The following KIF6 variants were observed in gnomAD, a reference collection of about 807,000 sequenced individuals.
KIF6 encodes the protein kinesin-like protein KIF6.
Under a neutral mutation model 112.7 loss-of-function variants are expected in KIF6, and 106 were observed. That is an observed-to-expected ratio of 0.94 (90% CI 0.80 to 1.11). The LOEUF is 1.11. Ranked by LOEUF, KIF6 falls within the 50% of genes least tolerant of loss-of-function variation. The probability of loss-of-function intolerance (pLI) is 0.00; values close to 1 mark genes in which losing one functional copy is unlikely to be tolerated. For missense variants in KIF6, 929 were observed against 964.0 expected (o/e 0.96, Z 0.48); for synonymous variants, 339 against 339.9 (o/e 1.00, Z 0.03).
intron 9 of KIF6, among the ~76,000 whole-genome samples, chr6:39,584,459 A>AAAAAAATAGAC (rs1561836472): frequency 7.8e-6 from 1 of 128,594 alleles, no homozygotes; most frequent in South Asian, 2.9e-4. Context: ...AAAAAAAAAA[A>AAAAAAATAGAC]AGACTATTAT....
intron 3 of KIF6, among the ~76,000 whole-genome samples, chr6:39,676,044 T>G (rs1787118829): frequency 2.3e-5 from 3 of 129,298 alleles, no homozygotes; most frequent in Admixed American, 8.8e-5. Context: ...CTACAGAGAA[T>G]GGAGGAAAGG....
At position 39,545,671 on chromosome 6, in the gene KIF6, G is replaced by A. The variant is rs1276017502; in HGVS notation, c.1199C>T (p.Thr400Ile). The change falls in exon 11 of 23, where the codon ACA (threonine) becomes ATA (isoleucine). Residue 400 changes from threonine to isoleucine, a missense_variant. By Grantham distance (89) the Thr-to-Ile change is moderately conservative. Around this residue, in one of 2 missense-constraint regions of KIF6, gnomAD observed 688 missense variants for 662.7 expected, o/e 1.04. Coordinates refer to ENST00000287152, the MANE Select transcript of KIF6 (RefSeq NM_145027.6). ...AELLQLEKLITSFLEDQDSDS... is the reference protein window; with the variant it reads ...AELLQLEKLIISFLEDQDSDS... ...TGAATCCTGGTCTTCCAAAAAGGAT[G>A]TTATTAGTTTTTCCAGCCTAAAAAT... 2.5e-6 allele frequency: 4 copies of A among 1,612,234 alleles called. No individual in the cohort carries two copies. The highest frequency in any genetic ancestry group is 3.4e-6 in the Non-Finnish European group (4 of 1,178,578).
At position 39,544,635 on chromosome 6, in the gene KIF6, T is replaced by C; in HGVS notation, c.1346A>G (p.Asp449Gly). Residue 449 changes from aspartate (D) to glycine (G), a missense_variant, in exon 12 of 23, where the codon GAC becomes GGC. Transcript: ENST00000287152. Reference sequence around the variant, plus strand: ...TTTTAATGGTTCTTGACAATCTTGGTCTTTGCTTTCAGAGGAGACTGTATT... The same window carrying C: ...TTTTAATGGTTCTTGACAATCTTGGCCTTTGCTTTCAGAGGAGACTGTATT... ...ENNTVSSESKDQDCQEPLKEE... is the reference protein window; with the variant it reads ...ENNTVSSESKGQDCQEPLKEE... 1 of 1,612,662 alleles carries C rather than the reference T, an allele frequency of 6.2e-7. No individual in the cohort carries two copies. The highest frequency in any genetic ancestry group is 8.5e-7 in the Non-Finnish European group (1 of 1,179,162).
chr6:39,617,752 A>C (rs1383417558), intron 5 of KIF6: 1 of 455,626 alleles, frequency 2.2e-6, no homozygotes, highest in Non-Finnish European at 4.4e-6. Context: ...ACTAGAGGCC[A>C]TTCCGTCTAG....
chr6:39,657,998 T>C (rs1785901456), intron 3 of KIF6, among the ~76,000 whole-genome samples: 4 of 152,360 alleles, frequency 2.6e-5, no homozygotes, highest in Non-Finnish European at 5.9e-5. Flanking sequence ...TCTAGCAGAC[T>C]TGTGCATATA....
At chr6:39,664,155 G>A (rs953164171) in intron 3 of KIF6, among the ~76,000 whole-genome samples, 1 of 152,076 alleles carries the variant, frequency 6.6e-6, no homozygotes, top group Non-Finnish European at 1.5e-5. Context: ...AGAATCAAAG[G>A]ATTGTCTAGG....
At chr6:39,537,824 G>A (rs920101502) in intron 13 of KIF6, among the ~76,000 whole-genome samples, 5 of 152,038 alleles carry the variant, frequency 3.3e-5, no homozygotes, top group Non-Finnish European at 7.4e-5. Flanking sequence ...CTATACTACA[G>A]GGCTACAGGA....
At chr6:39,550,237 G>A (rs1164551409) in intron 10 of KIF6, among the ~76,000 whole-genome samples, 1 of 152,162 alleles carries the variant, frequency 6.6e-6, no homozygotes, top group East Asian at 1.9e-4. Flanking sequence ...TCAGCAGTGG[G>A]TTCTAGAAAT....
intron 13 of KIF6, among the ~76,000 whole-genome samples, chr6:39,523,894 G>A (rs1428590246): frequency 6.6e-6 from 1 of 151,502 alleles, no homozygotes; most frequent in East Asian, 1.9e-4. Context: ...CCAACACCTT[G>A]TACAGTGTCT....
At chr6:39,428,191 G>A (rs904569274) in intron 14 of KIF6, among the ~76,000 whole-genome samples, 2 of 152,150 alleles carry the variant, frequency 1.3e-5, no homozygotes, top group African/African-American at 2.4e-5. Flanking sequence ...AGAATATCTG[G>A]GGAGTCAGGG....
chr6:39,365,867 C>T (rs1006585960), intron 16 of KIF6, among the ~76,000 whole-genome samples: 37 of 152,330 alleles, frequency 2.4e-4, no homozygotes, highest in African/African-American at 8.4e-4. Flanking sequence ...GCCATCTCAC[C>T]CGGCCAGAAG....
intron 13 of KIF6, among the ~76,000 whole-genome samples, chr6:39,457,526 A>G (rs1773205776): frequency 6.6e-6 from 1 of 151,498 alleles, no homozygotes; most frequent in Non-Finnish European, 1.5e-5. Flanking sequence ...AAATCAGAGC[A>G]GAACTGAAGG....
intron 13 of KIF6, among the ~76,000 whole-genome samples, chr6:39,488,759 C>G (rs1775290189): frequency 1.3e-5 from 2 of 152,230 alleles, no homozygotes; most frequent in African/African-American, 4.8e-5. Context: ...ACCAACTAAA[C>G]ATTAGAATTT....
intron 15 of KIF6, among the ~76,000 whole-genome samples, chr6:39,407,287 G>C (rs1769161302): frequency 6.6e-6 from 1 of 152,084 alleles, no homozygotes; most frequent in South Asian, 2.1e-4. Flanking sequence ...AAATAGACCT[G>C]GCTTTGCTTT....
rs746360602 is a variant in KIF6 at position 39,696,406 on chromosome 6, G to A, written c.251+18286C>T. 3.9e-5 allele frequency among the ~76,000 whole-genome samples: 6 copies of A among 152,144 alleles called. 1 individual carries two copies. Among genetic ancestry groups the A allele is most frequent in the Non-Finnish European group, 8.8e-5 (6 of 67,992 alleles). On this transcript the variant is annotated intron_variant, in intron 3 of 22. Coordinates refer to ENST00000287152, the MANE Select transcript of KIF6 (RefSeq NM_145027.6). Reference sequence around the variant, plus strand: ...TGCATAATTGAGCTGGAGTTCAAGCGGCCATCCTGTGTCACAAGCTGATGT... The same window carrying A: ...TGCATAATTGAGCTGGAGTTCAAGCAGCCATCCTGTGTCACAAGCTGATGT...
intron 6 of KIF6, among the ~76,000 whole-genome samples, chr6:39,608,861 A>G (rs1783038243): frequency 6.6e-6 from 1 of 152,156 alleles, no homozygotes; most frequent in Non-Finnish European, 1.5e-5. Flanking sequence ...TCCACAAAAC[A>G]GTTAATCAGT....
At chr6:39,694,261 G>C (rs1322957291) in intron 3 of KIF6, among the ~76,000 whole-genome samples, 1 of 152,034 alleles carries the variant, frequency 6.6e-6, no homozygotes, top group Non-Finnish European at 1.5e-5. Context: ...ACTGCAACAA[G>C]GCAAGGATGT....
At chr6:39,533,362 C>T (rs1409188769) in intron 13 of KIF6, among the ~76,000 whole-genome samples, 2 of 152,254 alleles carry the variant, frequency 1.3e-5, no homozygotes, top group African/African-American at 2.4e-5. Context: ...AGATTATATC[C>T]TGCACATGGC....
intron 13 of KIF6, among the ~76,000 whole-genome samples, chr6:39,514,002 A>G (rs2150514082): frequency 6.6e-6 from 1 of 152,350 alleles, no homozygotes; most frequent in Non-Finnish European, 1.5e-5. Flanking sequence ...ATAGAGATGT[A>G]TCAAGCAGTT....
Sources: gnomAD v4.1 joint callset for allele counts (sites outside exome capture counted in the v4.1 genomes callset) on GRCh38, gnomAD v4.1.1 for gene constraint, gnomAD v4.1.1 regional missense constraint, MANE v1.5 for transcripts, NCBI Gene and HGNC (gene_info 2026-07-23, HGNC 2026-07-21) for gene names.